The following DAB1 variants were observed in gnomAD, a reference collection of about 807,000 sequenced individuals.
The protein encoded by DAB1 is DAB adaptor protein 1, also known as disabled homolog 1.
A neutral mutation model predicts 64.6 loss-of-function variants in DAB1; 15 were observed. That is an observed-to-expected ratio of 0.23 (90% CI 0.16 to 0.36). DAB1 has a LOEUF of 0.36. Ranked by LOEUF, DAB1 falls within the 10% of genes least tolerant of loss-of-function variation. The pLI is 1.00. For synonymous variants in DAB1, 235 were observed against 251.9 expected (o/e 0.93, Z 0.64); for missense variants, 596 against 706.7 (o/e 0.84, Z 1.78).
intron 5 of DAB1, among the ~76,000 whole-genome samples, chr1:58,075,472 C>G (rs1570318505): frequency 6.6e-6 from 1 of 152,244 alleles, no homozygotes; most frequent in East Asian, 1.9e-4. Flanking sequence ...AGGCCTGTGT[C>G]AAGAAAAAGC....
chr1:57,319,034 T>A (rs1675462186), intron 1 of DAB1, among the ~76,000 whole-genome samples: 1 of 152,170 alleles, frequency 6.6e-6, no homozygotes, highest in South Asian at 2.1e-4. Flanking sequence ...AAGGCCTCCA[T>A]GTCATCAGCA....
chr1:58,184,800 G>T (rs574107559), intron 4 of DAB1, among the ~76,000 whole-genome samples: 2 of 152,270 alleles, frequency 1.3e-5, no homozygotes, highest in Non-Finnish European at 2.9e-5. Context: ...TGTATAATGG[G>T]TCTCAAAGAA....
chr1:57,224,758 C>T (rs2100401029), intron 2 of DAB1, among the ~76,000 whole-genome samples: 1 of 152,342 alleles, frequency 6.6e-6, no homozygotes, highest in Non-Finnish European at 1.5e-5. Context: ...ATAGGAGTGT[C>T]TTTGTTACGC....
rs565753724 is a variant in DAB1 at position 57,700,056 on chromosome 1, T to C, written n.552-50391A>G. Among the ~76,000 whole-genome samples the C allele has an allele frequency of 4.6e-5, 7 of 152,300 alleles. No individual in the cohort carries two copies. The South Asian group carries it at 1.5e-3, about 32-fold the overall frequency. Reference sequence around the variant, plus strand: ...TCTCTTTTCTAACTTGCTGACAGCATCAACAGTCAACCAGTTTCCCACTTT... The same window carrying C: ...TCTCTTTTCTAACTTGCTGACAGCACCAACAGTCAACCAGTTTCCCACTTT... On this transcript the variant is annotated intron_variant and non_coding_transcript_variant, in intron 6 of 20. Coordinates refer to the DAB1 transcript ENST00000485760.
chr1:57,408,957 GA>G (rs1683878487), intron 1 of DAB1, among the ~76,000 whole-genome samples: 1 of 152,144 alleles, frequency 6.6e-6, no homozygotes, highest in African/African-American at 2.4e-5. Flanking sequence ...AGGAGGGGAG[GA>G]GGGGAAGACA....
intron 7 of DAB1, among the ~76,000 whole-genome samples, chr1:57,455,647 G>A (rs1686560263): frequency 6.6e-6 from 1 of 152,102 alleles, no homozygotes; most frequent in East Asian, 1.9e-4. Flanking sequence ...AGTAGGCATG[G>A]TTTCTCCATC....
At chr1:57,216,631 G>A (rs186929006) in intron 2 of DAB1, among the ~76,000 whole-genome samples, 5 of 152,270 alleles carry the variant, frequency 3.3e-5, no homozygotes, top group African/African-American at 4.8e-5. Context: ...AGAAGAAAAC[G>A]CATACTCAGA....
intron 3 of DAB1, among the ~76,000 whole-genome samples, chr1:58,424,651 A>C (rs1480750039): frequency 6.6e-6 from 1 of 152,186 alleles, no homozygotes; most frequent in African/African-American, 2.4e-5. Flanking sequence ...ACAGGGAGCA[A>C]GACTGGAGAC....
At chr1:57,351,338 G>A (rs56096668) in intron 1 of DAB1, among the ~76,000 whole-genome samples, 3,136 of 152,188 alleles carry the variant, frequency 0.021, 39 homozygotes, top group South Asian at 0.035. Context: ...ACACCAAAAA[G>A]AACGGAAGTC....
chr1:57,659,310 A>T (rs1348805326), intron 6 of DAB1, among the ~76,000 whole-genome samples: 2 of 152,246 alleles, frequency 1.3e-5, no homozygotes, highest in Non-Finnish European at 2.9e-5. Flanking sequence ...TCAAATACAT[A>T]AATAAAATTA....
intron 1 of DAB1, among the ~76,000 whole-genome samples, chr1:57,848,754 G>A (rs1653396362): frequency 6.6e-6 from 1 of 152,226 alleles, no homozygotes; most frequent in African/African-American, 2.4e-5. Flanking sequence ...ATCCAGGTTA[G>A]TCTAGAGCTG....
At chr1:58,132,380 C>T (rs1174857762) in intron 5 of DAB1, among the ~76,000 whole-genome samples, 3 of 152,210 alleles carry the variant, frequency 2.0e-5, no homozygotes, top group Admixed American at 2.0e-4. Context: ...GTGAGATGAA[C>T]CCGGTACCTC....
chr1:57,274,667 G>T (rs1671311315), intron 2 of DAB1, among the ~76,000 whole-genome samples: 1 of 152,130 alleles, frequency 6.6e-6, no homozygotes. Context: ...CGCAACCTCT[G>T]CCTCCTGGGC....
intron 7 of DAB1, among the ~76,000 whole-genome samples, chr1:57,512,997 T>C (rs996436139): frequency 3.2e-4 from 49 of 152,212 alleles, no homozygotes; most frequent in African/African-American, 1.2e-3. Context: ...AGGCTTATTA[T>C]ATTTTCTGAT....
intron 9 of DAB1, among the ~76,000 whole-genome samples, chr1:57,040,626 T>C (rs1002834266): frequency 2.6e-5 from 4 of 152,134 alleles, no homozygotes; most frequent in Admixed American, 1.3e-4. Flanking sequence ...AACAAACAGA[T>C]ATGCACAGGT....
chr1:57,555,758 A>C (rs750241896), intron 7 of DAB1, among the ~76,000 whole-genome samples: 1 of 152,196 alleles, frequency 6.6e-6, no homozygotes, highest in Non-Finnish European at 1.5e-5. Context: ...TTTGAGTTCA[A>C]ACTTAGTGCC....
chr1:58,327,054 C>T (rs1295375691), intron 4 of DAB1, among the ~76,000 whole-genome samples: 2 of 152,198 alleles, frequency 1.3e-5, no homozygotes, highest in Non-Finnish European at 1.5e-5. Context: ...ATAAAATTTT[C>T]CCATTACTAA....
chr1:57,422,363 A>G (rs1398465345), intron 1 of DAB1, among the ~76,000 whole-genome samples: 1 of 152,156 alleles, frequency 6.6e-6, no homozygotes, highest in Non-Finnish European at 1.5e-5. Context: ...AGCTCGCAGG[A>G]GGGCTCGCCC....
chr1:57,329,121 CAACAATG>C (rs1392812430), intron 1 of DAB1, among the ~76,000 whole-genome samples: 3 of 152,186 alleles, frequency 2.0e-5, no homozygotes, highest in Non-Finnish European at 4.4e-5. Context: ...ACACAGCCTA[CAACAATG>C]GCCCCCAAAG....
Sources: allele counts gnomAD v4.1 joint callset (sites outside exome capture counted in the v4.1 genomes callset), GRCh38; gene constraint gnomAD v4.1.1; transcripts MANE v1.5; gene names NCBI Gene and HGNC (gene_info 2026-07-23, HGNC 2026-07-21).